CDH8: variants seen among roughly 807,000 people sequenced by gnomAD.
The protein encoded by CDH8 is cadherin-8.
In CDH8, 17 loss-of-function variants were observed where a neutral mutation model predicts 68.1. The observed-to-expected ratio is 0.25, with a 90% CI of 0.17 to 0.37. CDH8 has a LOEUF of 0.37. Among genes scored for constraint, CDH8 ranks in the 10% least tolerant of loss-of-function variants. The pLI, the probability that CDH8 is intolerant of heterozygous loss-of-function variation, is 1.00. For synonymous variants in CDH8, 372 were observed against 365.1 expected (o/e 1.02, Z -0.21); for missense variants, 763 against 999.3 (o/e 0.76, Z 3.19).
At chr16:61,859,295 T>G (rs557459489) in intron 3 of CDH8, among the ~76,000 whole-genome samples, 31 of 152,050 alleles carry the variant, frequency 2.0e-4, no homozygotes, top group Non-Finnish European at 1.5e-4. Flanking sequence ...TGCAGAAGAA[T>G]TGGGAGTAAA....
intron 10 of CDH8, among the ~76,000 whole-genome samples, chr16:61,668,154 T>C (rs1481976008): frequency 6.6e-6 from 1 of 151,968 alleles, no homozygotes; most frequent in Non-Finnish European, 1.5e-5. Flanking sequence ...AATTCCATAC[T>C]TTGAGCCTCA....
intron 1 of CDH8, among the ~76,000 whole-genome samples, chr16:62,026,551 T>C (rs1412089815): frequency 6.6e-6 from 1 of 152,176 alleles, no homozygotes; most frequent in African/African-American, 2.4e-5. Flanking sequence ...ACCACCGCTG[T>C]GAATAAAGGA....
intron 2 of CDH8, among the ~76,000 whole-genome samples, chr16:62,002,830 G>T (rs1965913912): frequency 6.6e-6 from 1 of 152,160 alleles, no homozygotes; most frequent in South Asian, 2.1e-4. Context: ...GAGGTGGGCG[G>T]ATCACGAGGT....
chr16:61,938,964 A>G (rs1466949823), intron 2 of CDH8, among the ~76,000 whole-genome samples: 1 of 152,216 alleles, frequency 6.6e-6, no homozygotes, highest in Non-Finnish European at 1.5e-5. Flanking sequence ...TCATTATCCT[A>G]TTACGTGTAG....
At chr16:61,886,930 T>A (rs755993079) in intron 3 of CDH8, among the ~76,000 whole-genome samples, 4 of 152,192 alleles carry the variant, frequency 2.6e-5, no homozygotes, top group Non-Finnish European at 4.4e-5. Flanking sequence ...AATAGAGTGA[T>A]GCATAGTAAC....
chr16:61,777,945 T>A (rs753688217), intron 8 of CDH8, among the ~76,000 whole-genome samples: 1 of 152,100 alleles, frequency 6.6e-6, no homozygotes, highest in East Asian at 1.9e-4. Flanking sequence ...TTCACTGTAT[T>A]TCTCTTTGCT....
intron 2 of CDH8, among the ~76,000 whole-genome samples, chr16:61,955,388 T>C (rs757453467): frequency 6.6e-6 from 1 of 152,194 alleles, no homozygotes; most frequent in African/African-American, 2.4e-5. Context: ...ATCCCGCTGT[T>C]TGTGTACATC....
intron 2 of CDH8, among the ~76,000 whole-genome samples, chr16:61,999,408 C>G (rs926917913): frequency 6.6e-6 from 1 of 152,080 alleles, no homozygotes; most frequent in Non-Finnish European, 1.5e-5. Flanking sequence ...GTAAAAGGAT[C>G]ATGAAAATCA....
At chr16:61,663,688 G>T (rs1483395713) in intron 10 of CDH8, among the ~76,000 whole-genome samples, 1 of 151,880 alleles carries the variant, frequency 6.6e-6, no homozygotes, top group Non-Finnish European at 1.5e-5. Flanking sequence ...TTAAAAGTTA[G>T]AAAATGAGAC....
chr16:61,702,227 C>T (rs1964443481), intron 10 of CDH8, among the ~76,000 whole-genome samples: 1 of 152,094 alleles, frequency 6.6e-6, no homozygotes, highest in African/African-American at 2.4e-5. Flanking sequence ...AAAAAATTAG[C>T]CGGGAGTGGC....
intron 2 of CDH8, among the ~76,000 whole-genome samples, chr16:61,945,726 T>C (rs2143562143): frequency 6.6e-6 from 1 of 152,236 alleles, no homozygotes; most frequent in East Asian, 1.9e-4. Flanking sequence ...TTCAAGACAC[T>C]GAGGAGAAAT....
At chr16:61,993,764 C>A (rs1162436293) in intron 2 of CDH8, among the ~76,000 whole-genome samples, 1 of 152,026 alleles carries the variant, frequency 6.6e-6, no homozygotes, top group Non-Finnish European at 1.5e-5. Flanking sequence ...ATTTTATGCA[C>A]ACGTAAGTAT....
chr16:61,678,342 C>T (rs1310780463), intron 10 of CDH8, among the ~76,000 whole-genome samples: 1 of 151,966 alleles, frequency 6.6e-6, no homozygotes, highest in Non-Finnish European at 1.5e-5. Context: ...CAGAATAAGT[C>T]TCTTCAAATA....
intron 5 of CDH8, among the ~76,000 whole-genome samples, chr16:61,821,735 C>G (rs926980459): frequency 6.6e-6 from 1 of 151,982 alleles, no homozygotes; most frequent in Non-Finnish European, 1.5e-5. Flanking sequence ...AAAATACAAT[C>G]AAGTGTATCT....
chr16:61,835,412 T>C (rs1400135599), intron 4 of CDH8, among the ~76,000 whole-genome samples: 2 of 151,860 alleles, frequency 1.3e-5, no homozygotes, highest in Non-Finnish European at 2.9e-5. Context: ...GCAAGTGAAT[T>C]AACTATTATA....
chr16:61,753,493 G>A (rs1312702741), intron 8 of CDH8, among the ~76,000 whole-genome samples: 1 of 152,052 alleles, frequency 6.6e-6, no homozygotes, highest in Non-Finnish European at 1.5e-5. Context: ...GCCCACCTCA[G>A]CTTCCCAAAG....
At chr16:62,015,392 CAT>C (rs142789809) in intron 2 of CDH8, among the ~76,000 whole-genome samples, 1 of 151,870 alleles carries the variant, frequency 6.6e-6, no homozygotes, top group Non-Finnish European at 1.5e-5. Flanking sequence ...ACATGTGGGG[CAT>C]GTGTGTGTGT....
rs1270673041 is a variant in CDH8, at chr16:61,821,106, A to G, written c.843T>C (p.Tyr281=). The part of the protein sequence containing the change: ...DNPPKFAQSL[Y]HFSVPEDVVL... The stretch of plus-strand genomic sequence containing the variant: ...CCACATCTTCCGGTACTGAGAAGTG[A>G]TACAGGCCTTTAAAAAGAGGAGAAA... Residue 281 remains tyrosine, a synonymous_variant, in exon 6 of 12, where the codon TAT becomes TAC. Coordinates refer to ENST00000577390, the MANE Select transcript of CDH8 (RefSeq NM_001796.5). 6.3e-7 allele frequency: 1 copy of G among 1,599,124 alleles called. No homozygotes were observed. The highest frequency in any genetic ancestry group is 1.3e-5 in the African/African-American group (1 of 74,366).
rs1963342275 is a variant in CDH8, at chr16:61,652,476, GA to G, written c.*1131del. 36 of 991,028 alleles carry G rather than the reference GA, an allele frequency of 3.6e-5. No individual in the cohort carries two copies. Among genetic ancestry groups the G allele is most frequent in the Non-Finnish European group, 4.3e-5 (36 of 833,654 alleles). The allele number at this position is 991,028 out of a possible 1,614,324, so 61.4% of individuals were successfully genotyped here. A position where few individuals can be genotyped will look rare whatever the true frequency, so the allele number is the denominator to read the frequency against. On this transcript the variant is annotated 3_prime_UTR_variant, in exon 12 of 12. Coordinates refer to ENST00000577390, the MANE Select transcript of CDH8 (RefSeq NM_001796.5). ...AAATACTAGGATTATGAACAAAATA[GA>G]AAACAGTCCAAAAGTTTGTCTGGGA... is the stretch of plus-strand genomic sequence containing the variant.
Sources: gnomAD v4.1 joint callset for allele counts (sites outside exome capture counted in the v4.1 genomes callset) on GRCh38, gnomAD v4.1.1 for gene constraint, MANE v1.5 for transcripts, NCBI Gene and HGNC (gene_info 2026-07-23, HGNC 2026-07-21) for gene names.